RFX3: variants seen among roughly 807,000 people sequenced by gnomAD.
RFX3 encodes the protein regulatory factor X3, also known as transcription factor RFX3.
Under a neutral mutation model 98.6 loss-of-function variants are expected in RFX3, and 14 were observed. The observed-to-expected ratio is 0.14, with a 90% CI of 0.09 to 0.22. The LOEUF (loss-of-function observed/expected upper bound fraction) is 0.22, where lower values mean the gene tolerates loss of function less well. RFX3 is among the 10% of genes least tolerant of loss of function. The pLI, the probability that RFX3 is intolerant of heterozygous loss-of-function variation, is 1.00. For missense variants in RFX3, 639 were observed against 926.9 expected (o/e 0.69, Z 4.03); for synonymous variants, 383 against 328.4 (o/e 1.17, Z -1.80).
At chr9:3,392,860 G>A (rs13290412) in intron 2 of RFX3, among the ~76,000 whole-genome samples, 10,917 of 152,106 alleles carry the variant, frequency 0.072, 422 homozygotes, top group East Asian at 0.11. Context: ...TACAGGAAAG[G>A]AAGGTAATCA....
chr9:3,266,052 T>C (rs1823595740), intron 12 of RFX3, among the ~76,000 whole-genome samples, 156 bp downstream of exon 12: 1 of 152,106 alleles, frequency 6.6e-6, no homozygotes, highest in Non-Finnish European at 1.5e-5. Flanking sequence ...CTTTACTACA[T>C]GGTTATAAAA....
intron 1 of RFX3, among the ~76,000 whole-genome samples, chr9:3,487,932 T>C (rs900576240): frequency 6.6e-6 from 1 of 152,162 alleles, no homozygotes; most frequent in African/African-American, 2.4e-5. Flanking sequence ...TATAACTTAC[T>C]GTTGGGAAAA....
chr9:3,309,621 T>G (rs1480777315), intron 4 of RFX3, among the ~76,000 whole-genome samples: 4 of 152,066 alleles, frequency 2.6e-5, no homozygotes, highest in African/African-American at 9.7e-5. Flanking sequence ...CCAATAAACG[T>G]TGTGCTTGTG....
chr9:3,328,560 A>C (rs930898258), intron 4 of RFX3, among the ~76,000 whole-genome samples: 1 of 152,170 alleles, frequency 6.6e-6, no homozygotes, highest in Non-Finnish European at 1.5e-5. Flanking sequence ...TACACATAAG[A>C]AATGCTTCAA....
intron 1 of RFX3, among the ~76,000 whole-genome samples, chr9:3,501,579 TAG>T (rs1235713351): frequency 6.9e-6 from 1 of 144,104 alleles, no homozygotes; most frequent in Admixed American, 7.0e-5. Flanking sequence ...TTTTTTGAGA[TAG>T]AGTCTCACTC....
chr9:3,465,458 C>CTTTTTTT (rs34093115), intron 1 of RFX3, among the ~76,000 whole-genome samples: 4 of 129,684 alleles, frequency 3.1e-5, no homozygotes, highest in Non-Finnish European at 1.6e-5. Flanking sequence ...GCCCAGGTAA[C>CTTTTTTT]TTTTTTTTTT....
intron 1 of RFX3, among the ~76,000 whole-genome samples, chr9:3,463,595 A>C (rs1006925455): frequency 6.6e-6 from 1 of 152,154 alleles, no homozygotes; most frequent in African/African-American, 2.4e-5. Flanking sequence ...ATTGGAAAAC[A>C]TATCTCTGAT....
intron 2 of RFX3, among the ~76,000 whole-genome samples, chr9:3,352,811 C>G (rs1256903975): frequency 3.3e-5 from 5 of 151,966 alleles, no homozygotes; most frequent in African/African-American, 1.2e-4. Context: ...TTCCACATTG[C>G]AGAACAGGAA....
chr9:3,445,331 A>T (rs1406573214), intron 1 of RFX3, among the ~76,000 whole-genome samples: 1 of 150,376 alleles, frequency 6.6e-6, no homozygotes, highest in Non-Finnish European at 1.5e-5. Context: ...AGTAATAGCC[A>T]CTACTTAGTG....
At chr9:3,229,279 C>T (rs1479096664) in intron 15 of RFX3, among the ~76,000 whole-genome samples, 3 of 152,188 alleles carry the variant, frequency 2.0e-5, no homozygotes, top group Non-Finnish European at 4.4e-5. Flanking sequence ...CTATACTTGG[C>T]AGATGAGTCC....
At chr9:3,263,239 G>A (rs560353006) in intron 12 of RFX3, among the ~76,000 whole-genome samples, 155 bp from the exon 13 acceptor site, 1 of 152,264 alleles carries the variant, frequency 6.6e-6, no homozygotes, top group East Asian at 1.9e-4. Context: ...GTAAATTACA[G>A]CATTTAAATC....
Position 3,525,323 on chromosome 9 carries a change from T to C in RFX3, c.-9+424A>G, listed in dbSNP as rs1474246347. Among the ~76,000 whole-genome samples the C allele has an allele frequency of 2.0e-5, 3 of 152,196 alleles. No individual in the cohort carries two copies. In the South Asian group the frequency reaches 6.2e-4, roughly 31 times the overall value. ...TGAAAGAAGCAGGAAACAGCAGCGT[T>C]GGAAAAGAAGAAAATTAAAGAAAGA... On this transcript the variant is annotated intron_variant, in intron 1 of 16. Transcript: ENST00000617270.
At chr9:3,505,443 A>ATAAATATAAAATAAAATAC (rs1319799225) in intron 1 of RFX3, among the ~76,000 whole-genome samples, 1 of 8,686 alleles carries the variant, frequency 1.2e-4, no homozygotes, top group Non-Finnish European at 2.7e-4. Context: ...AATATTTTAT[A>ATAAATATAAAATAAAATAC]TTTATATAAA....
At chr9:3,514,460 T>C (rs1817950941) in intron 1 of RFX3, among the ~76,000 whole-genome samples, 1 of 151,632 alleles carries the variant, frequency 6.6e-6, no homozygotes, top group South Asian at 2.1e-4. Flanking sequence ...TTGTTTTGTT[T>C]TGTTTTGCTT....
rs768469755 is a variant in RFX3 at position 3,330,415 on chromosome 9, C to G, written c.318G>C (p.Val106=). 6.2e-7 allele frequency: 1 copy of G among 1,614,094 alleles called. No individual in the cohort carries two copies. Among genetic ancestry groups the G allele is most frequent in the Non-Finnish European group, 8.5e-7 (1 of 1,180,016 alleles). Residue 106 remains valine (V), a synonymous_variant, in exon 4 of 17, where the codon GTG becomes GTC. Transcript: ENST00000617270. ...TGCCCACCATACTGTGGGATGAGAC[C>G]ACGGTAGTCACCTGGGCGGAACTCC... ...TQGSSAQVTT[V]VSSHSMVGTG... is the part of the protein sequence containing the mutation.
chr9:3,343,732 T>C (rs903462802), intron 3 of RFX3, among the ~76,000 whole-genome samples: 3 of 152,170 alleles, frequency 2.0e-5, no homozygotes, highest in Non-Finnish European at 4.4e-5. Context: ...TTGATAGTAA[T>C]GAAAGGTTTT....
intron 3 of RFX3, among the ~76,000 whole-genome samples, chr9:3,339,873 G>C (rs1349661374): frequency 6.6e-6 from 1 of 152,026 alleles, no homozygotes; most frequent in African/African-American, 2.4e-5. Flanking sequence ...AGCTACCGAT[G>C]ACTTTCTTCA....
intron 2 of RFX3, among the ~76,000 whole-genome samples, chr9:3,367,708 C>T (rs1301877665): frequency 6.6e-6 from 1 of 152,194 alleles, no homozygotes; most frequent in East Asian, 1.9e-4. Context: ...CTTTCATTGA[C>T]ATTCCCTAAT....
At chr9:3,338,809 G>A (rs1833513158) in intron 3 of RFX3, among the ~76,000 whole-genome samples, 1 of 152,156 alleles carries the variant, frequency 6.6e-6, no homozygotes, top group Admixed American at 6.5e-5. Context: ...TTTATTCTAG[G>A]CCAGGCACGG....
Sources: gnomAD v4.1 joint callset for allele counts (sites outside exome capture counted in the v4.1 genomes callset) on GRCh38, gnomAD v4.1.1 for gene constraint, MANE v1.5 for transcripts, NCBI Gene and HGNC (gene_info 2026-07-23, HGNC 2026-07-21) for gene names.